Variants in EEF1B2 observed in about 807,000 individuals in gnomAD.
The protein encoded by EEF1B2 is eukaryotic translation elongation factor 1 beta 2, also known as elongation factor 1-beta.
Under a neutral mutation model 28.3 loss-of-function variants are expected in EEF1B2, and 12 were observed. The ratio of observed to expected loss-of-function variants is 0.42; its 90% CI spans 0.27 to 0.69. The LOEUF is 0.69. EEF1B2 is among the 30% of genes least tolerant of loss of function. The pLI, the probability that EEF1B2 is intolerant of heterozygous loss-of-function variation, is 0.22. For synonymous variants in EEF1B2, 83 were observed against 99.9 expected (o/e 0.83, Z 1.01); for missense variants, 234 against 272.6 (o/e 0.86, Z 1.00).
intron 1 of EEF1B2, 83 bp from the exon 2 acceptor site, chr2:206,160,505 A>G: frequency 6.2e-7 from 1 of 1,603,808 alleles, no homozygotes; most frequent in Non-Finnish European, 8.5e-7. Flanking sequence ...CCACTAATTA[A>G]TGTGATGCAT....
intron 4 of EEF1B2, 162 bp from the exon 5 acceptor site, chr2:206,162,327 C>G (rs1329237037): frequency 4.7e-6 from 6 of 1,275,986 alleles, no homozygotes; most frequent in Middle Eastern, 1.8e-4. Context: ...CTTAGCAAAA[C>G]AGAAAGTGGG....
chr2:206,160,079 CGG>C lies in EEF1B2; in HGVS notation c.80+23_80+24del. On this transcript the variant is annotated intron_variant, in intron 1 of 5. Coordinates refer to ENST00000392222, the MANE Select transcript of EEF1B2 (RefSeq NM_001959.4). ...CGAGGGGTGAGCGGACGGGCTGAGT[CGG>C]GGTGGCGGGGAGGTTTCTCCGCCCG... The C allele has an allele frequency of 6.2e-7, 1 of 1,606,838 alleles. No individual in the cohort carries two copies. The highest frequency in any genetic ancestry group is 8.5e-7 in the Non-Finnish European group (1 of 1,176,924).
chr2:206,162,337 G>T, intron 4 of EEF1B2, 152 bp from the exon 5 acceptor site: 1 of 1,309,872 alleles, frequency 7.6e-7, no homozygotes, highest in Middle Eastern at 1.8e-4. Context: ...CAGAAAGTGG[G>T]TATATATGTG....
rs1687950325 is a variant in EEF1B2, at chr2:206,162,044, G to A, written c.337G>A (p.Glu113Lys). The change falls in exon 4 of 6, where the codon GAA (glutamate) becomes AAA (lysine). Residue 113 changes from glutamate (E) to lysine (K), a missense_variant. Physicochemically the swap from Glu to Lys is moderately conservative, Grantham distance 56. This residue lies in a region of EEF1B2 where 178 missense variants were observed against 173.3 expected (regional missense o/e 1.03). Coordinates refer to ENST00000392222, the MANE Select transcript of EEF1B2 (RefSeq NM_001959.4). ...TAATTTTTTTTCTTTACAGGAAAGT[G>A]AAGAAGCAAAGAGGCTAAGGGAAGA... Reference protein sequence around the residue: ...LFGSDDEEESEEAKRLREERL... With the variant: ...LFGSDDEEESKEAKRLREERL... The A allele has an allele frequency of 1.2e-6, 2 of 1,614,004 alleles. No homozygotes were observed. Among genetic ancestry groups the A allele is most frequent in the Non-Finnish European group, 1.7e-6 (2 of 1,179,896 alleles).
intron 2 of EEF1B2, chr2:206,161,103 G>A: frequency 1.7e-6 from 1 of 583,950 alleles, no homozygotes; most frequent in Non-Finnish European, 3.0e-6. Context: ...ATCTCAAACA[G>A]AAATGTTCAT....
At position 206,159,995 on chromosome 2, in the gene EEF1B2, C is replaced by G. The variant is rs764390853; in HGVS notation, c.16C>G (p.Leu6Val). 1.2e-6 allele frequency: 2 copies of G among 1,613,054 alleles called. No individual in the cohort carries two copies. The highest frequency in any genetic ancestry group is 2.2e-5 in the East Asian group (1 of 44,798). ...AGCCGACACCATGGGTTTCGGAGAC[C>G]TGAAAAGCCCTGCCGGCCTCCAGGT... MGFGDLKSPAGLQVLN... is the reference protein window; with the variant it reads MGFGDVKSPAGLQVLN... The change falls in exon 1 of 6, where the codon CTG (leucine) becomes GTG (valine). Residue 6 changes from leucine to valine, a missense_variant. Leu to Val is a conservative substitution (Grantham distance 32). This residue lies in a region of EEF1B2 where 178 missense variants were observed against 173.3 expected (regional missense o/e 1.03). Coordinates refer to ENST00000392222, the MANE Select transcript of EEF1B2 (RefSeq NM_001959.4).
In EEF1B2 at chr2:206,162,063, G is replaced by A; in HGVS notation, c.356G>A (p.Arg119Lys). 2.5e-6 allele frequency: 4 copies of A among 1,614,068 alleles called. No individual in the cohort carries two copies. The highest frequency in any genetic ancestry group is 1.1e-5 in the South Asian group (1 of 91,052). Residue 119 changes from arginine to lysine, a missense_variant, in exon 4 of 6, where the codon AGG (arginine) becomes AAG (lysine). Transcript: ENST00000392222. ...EEESEEAKRLREERLAQYESK... is the reference protein window; with the variant it reads ...EEESEEAKRLKEERLAQYESK... ...GAAAGTGAAGAAGCAAAGAGGCTAAGGGAAGAACGTCTTGCACAATATGAA... is the reference window on the plus strand; with the variant it reads ...GAAAGTGAAGAAGCAAAGAGGCTAAAGGAAGAACGTCTTGCACAATATGAA...
chr2:206,160,799 T>G (rs1687902900), intron 2 of EEF1B2, 89 bp downstream of exon 2: 15 of 1,601,938 alleles, frequency 9.4e-6, no homozygotes, highest in Admixed American at 5.0e-5. Context: ...CCCAGGCTAC[T>G]TTAGTTTTGT....
chr2:206,161,273 C>G, intron 2 of EEF1B2, 73 bp from the exon 3 acceptor site: 1 of 1,589,104 alleles, frequency 6.3e-7, no homozygotes, highest in Non-Finnish European at 8.6e-7. Flanking sequence ...GTGATTAAAA[C>G]AAGTTATTTT....
Position 206,160,263 on chromosome 2 carries a change from G to C in EEF1B2, c.80+204G>C, listed in dbSNP as rs1415000270. Among the ~76,000 whole-genome samples, 8 of 152,338 alleles carry C rather than the reference G, an allele frequency of 5.3e-5. No individual in the cohort carries two copies. The East Asian group carries it at 9.7e-4, about 18-fold the overall frequency. The stretch of plus-strand genomic sequence containing the variant: ...CCTCCGGGGAGCGGTTCACGAGCAA[G>C]GAAAGGTTAAAATGTGCTTTATTTA... On this transcript the variant is annotated intron_variant, in intron 1 of 5. Coordinates refer to ENST00000392222, the MANE Select transcript of EEF1B2 (RefSeq NM_001959.4).
chr2:206,160,927 G>T, intron 2 of EEF1B2: 1 of 787,068 alleles, frequency 1.3e-6, no homozygotes, highest in Non-Finnish European at 2.1e-6. Context: ...TCCCCACACT[G>T]CCCTGCCAAT....
chr2:206,159,912 G>T lies in EEF1B2; in HGVS notation c.-68G>T. 1 of 1,575,150 alleles carries T rather than the reference G, an allele frequency of 6.3e-7. No individual in the cohort carries two copies. The highest frequency in any genetic ancestry group is 8.6e-7 in the Non-Finnish European group (1 of 1,159,108). ...CTTCGGGTCCTTTTTCCTCTCTTCA[G>T]CGTGGGGCGCCCACAATTTGCGCGC... is the stretch of plus-strand genomic sequence containing the variant. On this transcript the variant is annotated 5_prime_UTR_variant, in exon 1 of 6. Coordinates refer to ENST00000392222, the MANE Select transcript of EEF1B2 (RefSeq NM_001959.4).
chr2:206,159,860 G>A, upstream of EEF1B2: 1 of 1,152,442 alleles, frequency 8.7e-7, no homozygotes, highest in Non-Finnish European at 1.2e-6. Context: ...AAACGCCTCC[G>A]TCTCTATATA....
chr2:206,160,207 C>T (rs1687869948), intron 1 of EEF1B2, 148 bp downstream of exon 1: 2 of 1,081,786 alleles, frequency 1.8e-6, no homozygotes, highest in African/African-American at 3.2e-5. Flanking sequence ...CCGTTGCCGT[C>T]TCCCAAGGCC....
chr2:206,162,364 T>C, intron 4 of EEF1B2, 125 bp from the exon 5 acceptor site: 2 of 1,453,682 alleles, frequency 1.4e-6, no homozygotes, highest in Non-Finnish European at 1.9e-6. Context: ...ACACAAGATG[T>C]ATCTGTAGTT....
rs974834268 is a variant in EEF1B2, at chr2:206,162,596, G to C, written c.505G>C (p.Gly169Arg). The C allele has an allele frequency of 6.2e-7, 1 of 1,613,196 alleles. No homozygotes were observed. The highest frequency in any genetic ancestry group is 8.5e-7 in the Non-Finnish European group (1 of 1,179,940). Residue 169 changes from glycine to arginine, a missense_variant, in exon 5 of 6, where the codon GGC becomes CGC. Gly to Arg is a moderately radical substitution (Grantham distance 125). Around this residue, in one of 2 missense-constraint regions of EEF1B2, gnomAD observed 56 missense variants for 99.3 expected, o/e 0.56. Coordinates refer to ENST00000392222, the MANE Select transcript of EEF1B2 (RefSeq NM_001959.4). The stretch of plus-strand genomic sequence containing the variant: ...GTGCGTCAGAAGCATTCAAGCAGAC[G>C]GCTTAGTCTGGGGCTCATGTGAGTT... ...EECVRSIQAD[G>R]LVWGSSKLVP...
At chr2:206,161,309 C>G (rs1384628397) in intron 2 of EEF1B2, 37 bp from the exon 3 acceptor site, 5 of 1,610,402 alleles carry the variant, frequency 3.1e-6, no homozygotes, top group Non-Finnish European at 4.2e-6. Context: ...GGATGTTATA[C>G]TAGCTCAATA....
chr2:206,162,629 T>C lies in EEF1B2; in HGVS notation c.523+15T>C. 1.9e-6 allele frequency: 3 copies of C among 1,597,870 alleles called. No homozygotes were observed. The highest frequency in any genetic ancestry group is 2.6e-6 in the Non-Finnish European group (3 of 1,176,198). The stretch of plus-strand genomic sequence containing the variant: ...CTGGGGCTCATGTGAGTTTAGGCTT[T>C]GCCTTTTTTTTTTTGAAACTAACAT... On this transcript the variant is annotated intron_variant, in intron 5 of 5. Transcript: ENST00000392222.
chr2:206,161,838 G>C (rs756789032), intron 3 of EEF1B2, 200 bp from the exon 4 acceptor site: 1 of 735,162 alleles, frequency 1.4e-6, no homozygotes, highest in South Asian at 1.4e-5. Context: ...GCCTGGATTT[G>C]AATCCTGGCT....
Sources: gnomAD v4.1 joint callset for allele counts (sites outside exome capture counted in the v4.1 genomes callset) on GRCh38, gnomAD v4.1.1 for gene constraint, gnomAD v4.1.1 regional missense constraint, MANE v1.5 for transcripts, NCBI Gene and HGNC (gene_info 2026-07-23, HGNC 2026-07-21) for gene names.